The following APOO variants were observed in gnomAD, a reference collection of about 807,000 sequenced individuals.
APOO encodes apolipoprotein O.
APOO carries 11 observed loss-of-function variants against 23.1 expected under a neutral mutation model. That is an observed-to-expected ratio of 0.48 (90% CI 0.30 to 0.79). The LOEUF (loss-of-function observed/expected upper bound fraction) is 0.79. Among genes scored for constraint, APOO ranks in the 30% least tolerant of loss-of-function variants. The probability of loss-of-function intolerance (pLI) is 0.07; values close to 1 mark genes in which losing one functional copy is unlikely to be tolerated. For missense variants in APOO, 160 were observed against 142.7 expected (o/e 1.12, Z -0.62); for synonymous variants, 59 against 54.8 (o/e 1.08, Z -0.34).
chrX:23,862,781 A>AAAGAGAAGAG (rs200332846), intron 5 of APOO, among the ~76,000 whole-genome samples: 2 of 95,788 alleles, frequency 2.1e-5, no homozygotes, highest in South Asian at 5.6e-4. Flanking sequence ...CTCAGAAAGA[A>AAAGAGAAGAG]AAGAGAAGAG....
At chrX:23,907,653 G>T in intron 1 of APOO, 41 bp downstream of exon 1, 1 of 1,148,349 alleles carries the variant, frequency 8.7e-7, no homozygotes, top group Non-Finnish European at 1.2e-6. Context: ...GGGCGGCCGG[G>T]AGGGGGCGGT....
At chrX:23,861,426 G>A (rs891315778) in intron 5 of APOO, among the ~76,000 whole-genome samples, 6 of 109,667 alleles carry the variant, frequency 5.5e-5, no homozygotes, top group Non-Finnish European at 3.8e-5. Flanking sequence ...AGGAGATGCT[G>A]GTGCCATGCT....
chrX:23,862,603 C>T (rs951874852), intron 5 of APOO, among the ~76,000 whole-genome samples: 8 of 103,429 alleles, frequency 7.7e-5, no homozygotes, highest in Admixed American at 1.1e-4. Flanking sequence ...TGGTGACACC[C>T]GGTCTCCACA....
chrX:23,875,608 C>G (rs1213547520), intron 3 of APOO, among the ~76,000 whole-genome samples: 1 of 106,799 alleles, frequency 9.4e-6, no homozygotes, highest in Non-Finnish European at 1.9e-5. Context: ...TTGGTAGGGA[C>G]AGGGTTTCGC....
At chrX:23,850,688 A>G (rs1924495190) in intron 7 of APOO, among the ~76,000 whole-genome samples, 1 of 111,406 alleles carries the variant, frequency 9.0e-6, no homozygotes, top group Non-Finnish European at 1.9e-5. Context: ...TTAGCCAGGG[A>G]TGGTGGCGCA....
At chrX:23,875,457 C>T (rs1428848557) in intron 3 of APOO, among the ~76,000 whole-genome samples, 2 of 96,882 alleles carry the variant, frequency 2.1e-5, no homozygotes, top group East Asian at 3.3e-4. Context: ...TCGCTTTTGT[C>T]GCCCAGGCTG....
intron 1 of APOO, among the ~76,000 whole-genome samples, chrX:23,894,282 T>C (rs1339389450): frequency 9.2e-6 from 1 of 109,075 alleles, no homozygotes; most frequent in African/African-American, 3.3e-5. Context: ...GTAGCTGGGA[T>C]TACAGGCCCA....
chrX:23,897,920 G>A (rs1926968366), intron 1 of APOO, among the ~76,000 whole-genome samples: 2 of 105,728 alleles, frequency 1.9e-5, no homozygotes, highest in Admixed American at 2.0e-4. Flanking sequence ...GCTTGAGCCT[G>A]GGAGGTGGAG....
chrX:23,876,132 C>T (rs935301613), intron 3 of APOO, among the ~76,000 whole-genome samples: 2 of 110,406 alleles, frequency 1.8e-5, no homozygotes, highest in African/African-American at 6.6e-5. Context: ...GGCGTGGTGG[C>T]AGGCACCTGT....
At chrX:23,894,791 C>T (rs1314666887) in intron 1 of APOO, among the ~76,000 whole-genome samples, 6 of 107,552 alleles carry the variant, frequency 5.6e-5, no homozygotes, top group South Asian at 4.1e-4. Flanking sequence ...AGTGAAACTC[C>T]GCTTAAAAAA....
intron 1 of APOO, among the ~76,000 whole-genome samples, chrX:23,885,006 G>A (rs1459861868): frequency 7.2e-5 from 8 of 111,417 alleles, no homozygotes. Context: ...GTTGTCTTTT[G>A]GAAATTAAGA....
chrX:23,836,629 T>TC (rs1923689724), intron 8 of APOO: 1 of 711,492 alleles, frequency 1.4e-6, no homozygotes, highest in African/African-American at 2.3e-5. Flanking sequence ...TAATTTCTTT[T>TC]TTTTTTTTTT....
chrX:23,874,284 A>C, intron 4 of APOO, 119 bp downstream of exon 4: 1 of 683,145 alleles, frequency 1.5e-6, no homozygotes, highest in Non-Finnish European at 2.3e-6. Context: ...CATAGCTCTA[A>C]AATTCTGCAT....
chrX:23,863,697 AT>A (rs1925203609), intron 5 of APOO, among the ~76,000 whole-genome samples: 1 of 110,805 alleles, frequency 9.0e-6, no homozygotes, highest in African/African-American at 3.3e-5. Context: ...CAAGGAGAAG[AT>A]GACATGGAAC....
At chrX:23,849,609 A>AAAAAAAAAAAAAAAAAAAAAAAAG (rs1311653969) in intron 7 of APOO, among the ~76,000 whole-genome samples, 7 of 94,469 alleles carry the variant, frequency 7.4e-5, no homozygotes, top group Non-Finnish European at 1.2e-4. Flanking sequence ...AAAAAAAAAA[A>AAAAAAAAAAAAAAAAAAAAAAAAG]GTTCGGGCAT....
At chrX:23,863,233 T>C (rs765285860) in intron 5 of APOO, among the ~76,000 whole-genome samples, 3 of 108,985 alleles carry the variant, frequency 2.8e-5, no homozygotes, top group Non-Finnish European at 3.8e-5. Flanking sequence ...AACTGGGAGG[T>C]TGAGGCGTGA....
At chrX:23,880,018 A>T (rs1219564118) in intron 2 of APOO, among the ~76,000 whole-genome samples, 1 of 111,231 alleles carries the variant, frequency 9.0e-6, no homozygotes, top group Admixed American at 9.6e-5. Context: ...TGGGAAGTAC[A>T]GACCAAAAAG....
chrX:23,893,737 T>C (rs1926776135), intron 1 of APOO, among the ~76,000 whole-genome samples: 1 of 109,739 alleles, frequency 9.1e-6, no homozygotes, highest in African/African-American at 3.3e-5. Flanking sequence ...CCCAGCTAAT[T>C]TTTTTTGTAT....
chrX:23,868,269 G>A (rs1925433292), intron 5 of APOO, among the ~76,000 whole-genome samples: 1 of 112,077 alleles, frequency 8.9e-6, no homozygotes, highest in Non-Finnish European at 1.9e-5. Context: ...AATATAGCTT[G>A]ATCTTAATAG....
Sources: gnomAD v4.1 joint callset for allele counts (sites outside exome capture counted in the v4.1 genomes callset) on GRCh38, gnomAD v4.1.1 for gene constraint, MANE v1.5 for transcripts, NCBI Gene and HGNC (gene_info 2026-07-23, HGNC 2026-07-21) for gene names.